The following ADAMTS6 variants were observed in gnomAD, a reference collection of about 807,000 sequenced individuals.
The protein encoded by ADAMTS6 is ADAM metallopeptidase with thrombospondin type 1 motif 6.
In ADAMTS6, 23 loss-of-function variants were observed where a neutral mutation model predicts 144.3. The ratio of observed to expected loss-of-function variants is 0.16; its 90% CI spans 0.11 to 0.23. The LOEUF (loss-of-function observed/expected upper bound fraction) is 0.23. Ranked by LOEUF, ADAMTS6 falls within the 10% of genes least tolerant of loss-of-function variation. The probability of loss-of-function intolerance (pLI) is 1.00; values close to 1 mark genes in which losing one functional copy is unlikely to be tolerated. For synonymous variants in ADAMTS6, 444 were observed against 457.5 expected (o/e 0.97, Z 0.38); for missense variants, 999 against 1,379.6 (o/e 0.72, Z 4.37).
rs374014797 is a variant in ADAMTS6, at chr5:65,463,637, CT to C, written c.463-3300del. 2.3e-3 allele frequency among the ~76,000 whole-genome samples: 345 copies of C among 152,292 alleles called. 1 individual carries two copies. The highest frequency in any genetic ancestry group is 6.8e-3 in the Middle Eastern group (2 of 294). On this transcript the variant is annotated intron_variant, in intron 3 of 24. Coordinates refer to ENST00000381055, the MANE Select transcript of ADAMTS6 (RefSeq NM_197941.4). Reference sequence around the variant, plus strand: ...CTTTGAGAAGCCCAAACCTCACCCCCTGAATTCTAATTCTCATATGATTATG... The same window carrying C: ...CTTTGAGAAGCCCAAACCTCACCCCCGAATTCTAATTCTCATATGATTATG...
chr5:65,270,027 AAGGTGATC>A (rs1761936404), intron 12 of ADAMTS6, among the ~76,000 whole-genome samples: 1 of 152,034 alleles, frequency 6.6e-6, no homozygotes, highest in East Asian at 1.9e-4. Flanking sequence ...CTCCTGACCT[AAGGTGATC>A]AGCCCACCTA....
chr5:65,249,362 C>T (rs901129067), intron 14 of ADAMTS6, among the ~76,000 whole-genome samples: 2 of 152,158 alleles, frequency 1.3e-5, no homozygotes, highest in African/African-American at 4.8e-5. Context: ...GTACAACTTC[C>T]TAAACACATT....
chr5:65,455,891 A>G (rs760644428), intron 4 of ADAMTS6, among the ~76,000 whole-genome samples: 2 of 152,034 alleles, frequency 1.3e-5, no homozygotes, highest in Non-Finnish European at 2.9e-5. Context: ...AAAATTTTCA[A>G]CATTTTAGTT....
chr5:65,210,628 G>A (rs912745353), intron 20 of ADAMTS6: 7 of 607,126 alleles, frequency 1.2e-5, no homozygotes, highest in Non-Finnish European at 2.1e-5. Flanking sequence ...TATGGATGGA[G>A]GCTTGTCTAT....
chr5:65,391,117 C>T (rs147675950), intron 7 of ADAMTS6, among the ~76,000 whole-genome samples: 41 of 152,106 alleles, frequency 2.7e-4, no homozygotes, highest in Middle Eastern at 6.8e-3. Flanking sequence ...GTCAGGGTCT[C>T]GCCATGTAGG....
intron 7 of ADAMTS6, among the ~76,000 whole-genome samples, chr5:65,370,522 C>T (rs1363911185): frequency 6.6e-6 from 1 of 152,188 alleles, no homozygotes; most frequent in Non-Finnish European, 1.5e-5. Flanking sequence ...ACAGATGGCA[C>T]CTGGAAAGTC....
At chr5:65,356,478 T>C (rs1204513965) in intron 7 of ADAMTS6, among the ~76,000 whole-genome samples, 1 of 151,842 alleles carries the variant, frequency 6.6e-6, no homozygotes, top group African/African-American at 2.4e-5. Flanking sequence ...CAAAAGCATA[T>C]TTCATAAGAA....
At chr5:65,408,200 T>A (rs1351637251) in intron 7 of ADAMTS6, among the ~76,000 whole-genome samples, 1 of 152,158 alleles carries the variant, frequency 6.6e-6, no homozygotes, top group Non-Finnish European at 1.5e-5. Context: ...AGACACAGAC[T>A]GGCAAATTGG....
chr5:65,171,683 G>A (rs984700244), intron 23 of ADAMTS6, among the ~76,000 whole-genome samples: 7 of 152,050 alleles, frequency 4.6e-5, no homozygotes, highest in Admixed American at 2.0e-4. Context: ...AGTGACAGGC[G>A]TGGAGCCTGG....
chr5:65,449,383 G>A (rs1346114488), intron 7 of ADAMTS6, among the ~76,000 whole-genome samples: 2 of 152,130 alleles, frequency 1.3e-5, no homozygotes, highest in South Asian at 2.1e-4. Context: ...TTGGGAGGCC[G>A]AGGTGGGCGG....
At chr5:65,179,016 G>A (rs988025633) in intron 22 of ADAMTS6, among the ~76,000 whole-genome samples, 2 of 148,282 alleles carry the variant, frequency 1.3e-5, no homozygotes, top group Non-Finnish European at 3.0e-5. Flanking sequence ...CTTCGCTAAC[G>A]CCTACAAAGT....
intron 7 of ADAMTS6, among the ~76,000 whole-genome samples, chr5:65,348,876 T>A (rs1479325289): frequency 6.6e-6 from 1 of 152,050 alleles, no homozygotes; most frequent in Non-Finnish European, 1.5e-5. Context: ...AAACTATACT[T>A]GATACCAGCA....
rs182033886 is a variant in ADAMTS6 at position 65,427,314 on chromosome 5, T to A, written c.1073+24161A>T. On this transcript the variant is annotated intron_variant, in intron 7 of 24. Transcript: ENST00000381055. ...ATTTTATTTTATTATTATTATTATT[T>A]TTTTTTAGAGACTGGGTCTCACTCT... 5.7e-3 allele frequency among the ~76,000 whole-genome samples: 869 copies of A among 152,082 alleles called. 5 individuals are homozygous for A. Among genetic ancestry groups the A allele is most frequent in the African/African-American group, 0.017 (687 of 41,528 alleles).
Position 65,149,932 on chromosome 5 carries a change from G to T in ADAMTS6, c.*1904C>A, listed in dbSNP as rs1371758689. 1.3e-5 allele frequency: 2 copies of T among 152,528 alleles called. No homozygotes were observed. The highest frequency in any genetic ancestry group is 2.9e-5 in the Non-Finnish European group (2 of 68,040). 9.4% of individuals were successfully genotyped at this position (152,528 alleles called of 1,614,324 possible). A position where few individuals can be genotyped will look rare whatever the true frequency, so the allele number is the denominator to read the frequency against. The stretch of plus-strand genomic sequence containing the variant: ...GTATCATCAATAGCTCTCTCTGGAA[G>T]GCTCAGGGTTGAGAACTGTGGTGTT... On this transcript the variant is annotated 3_prime_UTR_variant, in exon 25 of 25. Transcript: ENST00000381055.
chr5:65,457,892 A>G (rs1374565963), intron 4 of ADAMTS6, among the ~76,000 whole-genome samples: 1 of 150,974 alleles, frequency 6.6e-6, no homozygotes, highest in Non-Finnish European at 1.5e-5. Context: ...ACGCCTGGCT[A>G]ATTTTTGTAT....
At chr5:65,469,553 AAC>A (rs1240429754) in intron 3 of ADAMTS6, among the ~76,000 whole-genome samples, 1 of 152,246 alleles carries the variant, frequency 6.6e-6, no homozygotes, top group African/African-American at 2.4e-5. Flanking sequence ...AGAAAGTCCT[AAC>A]ACTGCTTATA....
At position 65,473,700 on chromosome 5, in the gene ADAMTS6, G is replaced by T. The variant is rs1760641068; in HGVS notation, c.-27C>A. On this transcript the variant is annotated 5_prime_UTR_variant, in exon 2 of 25. Transcript: ENST00000381055. ...ATTTAGAAAACTGGATGATTTTTTT[G>T]AGGGCTACCTATGTGCTAAAGAGTC... 1.9e-6 allele frequency: 3 copies of T among 1,556,478 alleles called. No homozygotes were observed. Among genetic ancestry groups the T allele is most frequent in the Non-Finnish European group, 1.8e-6 (2 of 1,127,642 alleles).
chr5:65,164,407 G>C (rs1419420709), intron 24 of ADAMTS6, among the ~76,000 whole-genome samples: 2 of 151,044 alleles, frequency 1.3e-5, no homozygotes, highest in Non-Finnish European at 3.0e-5. Flanking sequence ...CTGATTGCTA[G>C]CACAGCAGTC....
chr5:65,320,329 TTGAG>T (rs1198002439), intron 9 of ADAMTS6, among the ~76,000 whole-genome samples: 2 of 152,120 alleles, frequency 1.3e-5, no homozygotes, highest in Admixed American at 6.5e-5. Flanking sequence ...TCAGCTGAAA[TTGAG>T]TAATACTTGA....
Sources: gnomAD v4.1 joint callset for allele counts (sites outside exome capture counted in the v4.1 genomes callset) on GRCh38, gnomAD v4.1.1 for gene constraint, MANE v1.5 for transcripts, NCBI Gene and HGNC (gene_info 2026-07-23, HGNC 2026-07-21) for gene names.